The following B3GAT2 variants were observed in gnomAD, a reference collection of about 807,000 sequenced individuals.
B3GAT2 encodes the protein galactosylgalactosylxylosylprotein 3-beta-glucuronosyltransferase 2.
In B3GAT2, 26 loss-of-function variants were observed where a neutral mutation model predicts 27.8. The ratio of observed to expected loss-of-function variants is 0.93; its 90% CI spans 0.68 to 1.30. The LOEUF (loss-of-function observed/expected upper bound fraction) is 1.30. Among genes scored for constraint, B3GAT2 ranks in the 50% most tolerant of loss-of-function variants. B3GAT2 has a pLI of 0.00. For missense variants in B3GAT2, 458 were observed against 459.0 expected (o/e 1.00, Z 0.02); for synonymous variants, 218 against 195.1 (o/e 1.12, Z -0.98).
At chr6:70,902,690 A>G (rs928456419) in intron 1 of B3GAT2, among the ~76,000 whole-genome samples, 2 of 151,312 alleles carry the variant, frequency 1.3e-5, no homozygotes, top group African/African-American at 4.9e-5. Flanking sequence ...ACATAAACAC[A>G]ATAGGGTACT....
At chr6:70,933,860 G>C (rs561229932) in intron 1 of B3GAT2, among the ~76,000 whole-genome samples, 23 of 152,264 alleles carry the variant, frequency 1.5e-4, no homozygotes, top group Admixed American at 2.6e-4. Flanking sequence ...CGTACAAATA[G>C]AGAGTGAAGT....
chr6:70,943,800 G>C (rs1182290216), intron 1 of B3GAT2, among the ~76,000 whole-genome samples: 1 of 152,060 alleles, frequency 6.6e-6, no homozygotes, highest in Non-Finnish European at 1.5e-5. Flanking sequence ...GGAGAAAAAA[G>C]GTAGGGGTAG....
At chr6:70,937,719 C>G (rs1281545267) in intron 1 of B3GAT2, among the ~76,000 whole-genome samples, 1 of 151,846 alleles carries the variant, frequency 6.6e-6, no homozygotes, top group Non-Finnish European at 1.5e-5. Context: ...ATGCTAAAAA[C>G]TCTCAATAAA....
At chr6:70,886,154 A>T (rs1772181622) in intron 2 of B3GAT2, among the ~76,000 whole-genome samples, 1 of 152,212 alleles carries the variant, frequency 6.6e-6, no homozygotes, top group Non-Finnish European at 1.5e-5. Context: ...CTGCAGGCTC[A>T]GAGACCAAGA....
Position 70,938,676 on chromosome 6 carries a change from A to G in B3GAT2, c.591+17163T>C, listed in dbSNP as rs9455260. 3.3e-3 allele frequency among the ~76,000 whole-genome samples: 508 copies of G among 151,950 alleles called. 6 individuals carry two copies. Among genetic ancestry groups the G allele is most frequent in the Admixed American group, 0.021 (326 of 15,188 alleles). ...GGAAAGGATTCCCTATTTAATAAAT[A>G]GTGCTGGGAAAACTGGCTAGCCATA... On this transcript the variant is annotated intron_variant, in intron 1 of 3. Transcript: ENST00000230053.
At chr6:70,912,758 C>T (rs1772708436) in intron 1 of B3GAT2, among the ~76,000 whole-genome samples, 1 of 152,082 alleles carries the variant, frequency 6.6e-6, no homozygotes, top group African/African-American at 2.4e-5. Flanking sequence ...ACCAGCTCTT[C>T]TTTATACATC....
Position 70,955,879 on chromosome 6 carries a change from G to A in B3GAT2, c.551C>T (p.Ala184Val). 3 of 1,605,618 alleles carry A rather than the reference G, an allele frequency of 1.9e-6. No individual in the cohort carries two copies. Among genetic ancestry groups the A allele is most frequent in the Non-Finnish European group, 2.5e-6 (3 of 1,176,908 alleles). The change falls in exon 1 of 4, where the codon GCT becomes GTT. Residue 184 changes from alanine to valine, a missense_variant. Transcript: ENST00000230053. ...QRAQPGVLFF[A>V]DDDNTYSLEL... ...CAGACTATAGGTGTTGTCGTCGTCAGCGAAGAAGAGCACGCCGGGCTGCGC... is the reference window on the plus strand; with the variant it reads ...CAGACTATAGGTGTTGTCGTCGTCAACGAAGAAGAGCACGCCGGGCTGCGC...
intron 1 of B3GAT2, among the ~76,000 whole-genome samples, chr6:70,905,281 G>A (rs930037832): frequency 3.9e-5 from 6 of 152,104 alleles, no homozygotes; most frequent in African/African-American, 1.4e-4. Flanking sequence ...CTAACCACAG[G>A]AGCCACCAAT....
At chr6:70,922,035 T>C (rs1242707346) in intron 1 of B3GAT2, among the ~76,000 whole-genome samples, 1 of 152,092 alleles carries the variant, frequency 6.6e-6, no homozygotes, top group Non-Finnish European at 1.5e-5. Flanking sequence ...ACACACTTCA[T>C]CAAGGTGGTG....
intron 1 of B3GAT2, among the ~76,000 whole-genome samples, chr6:70,937,513 G>A (rs1401356134): frequency 8.5e-5 from 13 of 152,180 alleles, no homozygotes; most frequent in Admixed American, 5.2e-4. Context: ...ATAAAATACT[G>A]GCAAACCGAA....
intron 1 of B3GAT2, among the ~76,000 whole-genome samples, chr6:70,924,384 T>A (rs916466916): frequency 6.6e-6 from 1 of 152,212 alleles, no homozygotes; most frequent in Non-Finnish European, 1.5e-5. Flanking sequence ...ATCCCAATGA[T>A]GTTTTTTGCA....
intron 1 of B3GAT2, among the ~76,000 whole-genome samples, chr6:70,916,147 A>G (rs898785984): frequency 1.3e-5 from 2 of 151,424 alleles, no homozygotes; most frequent in African/African-American, 4.9e-5. Context: ...TAGGTATTTT[A>G]TTCTCTTTGA....
intron 1 of B3GAT2, among the ~76,000 whole-genome samples, chr6:70,945,551 C>G (rs569993023): frequency 1.2e-4 from 18 of 151,720 alleles, no homozygotes; most frequent in Non-Finnish European, 2.5e-4. Flanking sequence ...TGAACAAAGC[C>G]TCCAAGAAAT....
Position 70,857,834 on chromosome 6 carries a change from TC to T in B3GAT2, c.*3828del. On this transcript the variant is annotated 3_prime_UTR_variant, in exon 4 of 4. Transcript: ENST00000230053. ...AATTAAAATGTTTGCTGTGAGTAGTTCAGAAAGGCAATTTTTCTGTGATTAT... is the reference window on the plus strand; with the variant it reads ...AATTAAAATGTTTGCTGTGAGTAGTTAGAAAGGCAATTTTTCTGTGATTAT... The T allele has an allele frequency of 6.8e-7, 1 of 1,465,472 alleles. No individual in the cohort carries two copies. The highest frequency in any genetic ancestry group is 9.3e-7 in the Non-Finnish European group (1 of 1,078,310). 90.8% of individuals were successfully genotyped at this position (1,465,472 alleles called of 1,614,324 possible).
At chr6:70,862,586 G>T (rs999056716) in intron 2 of B3GAT2, among the ~76,000 whole-genome samples, 1 of 152,150 alleles carries the variant, frequency 6.6e-6, no homozygotes, top group African/African-American at 2.4e-5. Context: ...CAGTGCAGGA[G>T]ATATCAGGCC....
intron 1 of B3GAT2, among the ~76,000 whole-genome samples, chr6:70,951,422 C>T (rs923357214): frequency 6.6e-6 from 1 of 152,042 alleles, no homozygotes; most frequent in African/African-American, 2.4e-5. Flanking sequence ...CAAGAAGCAG[C>T]AACAGCCTAA....
chr6:70,885,240 T>G (rs560679439), intron 2 of B3GAT2, among the ~76,000 whole-genome samples: 1 of 152,196 alleles, frequency 6.6e-6, no homozygotes, highest in African/African-American at 2.4e-5. Context: ...CATCAGGAAT[T>G]TGCATATTGA....
rs549824636 is a variant in B3GAT2, at chr6:70,895,062, C to T, written c.592-790G>A. Among the ~76,000 whole-genome samples, 4 of 152,320 alleles carry T rather than the reference C, an allele frequency of 2.6e-5. No individual in the cohort carries two copies. In the South Asian group the frequency reaches 8.3e-4, roughly 32 times the overall value. On this transcript the variant is annotated intron_variant, in intron 1 of 3. Transcript: ENST00000230053. ...TCATGCTGAACAGCTCAAAAGGCATCTTAGCATAAACTAGAAAAAGGTGCC... is the reference window on the plus strand; with the variant it reads ...TCATGCTGAACAGCTCAAAAGGCATTTTAGCATAAACTAGAAAAAGGTGCC...
At position 70,946,022 on chromosome 6, in the gene B3GAT2, T is replaced by A. The variant is rs536554191; in HGVS notation, c.591+9817A>T. On this transcript the variant is annotated intron_variant, in intron 1 of 3. Coordinates refer to ENST00000230053, the MANE Select transcript of B3GAT2 (RefSeq NM_080742.3). ...AAATACTTTACAGACAAGCAAATGCTGAGAGATTTTGCCACCACCAGGCCT... is the reference window on the plus strand; with the variant it reads ...AAATACTTTACAGACAAGCAAATGCAGAGAGATTTTGCCACCACCAGGCCT... 2.0e-5 allele frequency among the ~76,000 whole-genome samples: 3 copies of A among 152,076 alleles called. No homozygotes were observed. In the South Asian group the frequency reaches 6.3e-4, roughly 32 times the overall value.
Sources: allele counts gnomAD v4.1 joint callset (sites outside exome capture counted in the v4.1 genomes callset), GRCh38; gene constraint gnomAD v4.1.1; transcripts MANE v1.5; gene names NCBI Gene and HGNC (gene_info 2026-07-23, HGNC 2026-07-21).